The following FNIP1 variants were observed in gnomAD, a reference collection of about 807,000 sequenced individuals.
The protein encoded by FNIP1 is folliculin-interacting protein 1.
A neutral mutation model predicts 124.5 loss-of-function variants in FNIP1; 40 were observed. The observed-to-expected ratio is 0.32, with a 90% CI of 0.25 to 0.42. FNIP1 has a LOEUF of 0.42. FNIP1 is among the 10% of genes least tolerant of loss of function. FNIP1 has a pLI of 1.00. For missense variants in FNIP1, 1,176 were observed against 1,403.7 expected (o/e 0.84, Z 2.59); for synonymous variants, 472 against 470.6 (o/e 1.00, Z -0.04).
chr5:131,760,070 G>A (rs1771174446), intron 1 of FNIP1, among the ~76,000 whole-genome samples: 1 of 152,116 alleles, frequency 6.6e-6, no homozygotes, highest in South Asian at 2.1e-4. Context: ...GGGAAAAATA[G>A]ACACTGTGGA....
chr5:131,726,515 G>A (rs1246124247), intron 3 of FNIP1, among the ~76,000 whole-genome samples: 2 of 151,676 alleles, frequency 1.3e-5, no homozygotes, highest in Non-Finnish European at 1.5e-5. Context: ...ATTTCTGTGG[G>A]ATCAACACGT....
At chr5:131,655,536 T>C (rs1026832299) in intron 15 of FNIP1, among the ~76,000 whole-genome samples, 1 of 152,200 alleles carries the variant, frequency 6.6e-6, no homozygotes, top group Non-Finnish European at 1.5e-5. Context: ...CTAGCTGTAG[T>C]ACCTACTGCA....
At chr5:131,767,640 C>T (rs1177159752) in intron 1 of FNIP1, among the ~76,000 whole-genome samples, 1 of 151,970 alleles carries the variant, frequency 6.6e-6, no homozygotes, top group Non-Finnish European at 1.5e-5. Context: ...TGTAATAAAA[C>T]TTCAACCACT....
At chr5:131,718,908 T>C (rs1769558914) in intron 5 of FNIP1, 78 bp downstream of exon 5, 1 of 1,191,376 alleles carries the variant, frequency 8.4e-7, no homozygotes, top group Non-Finnish European at 1.2e-6. Flanking sequence ...TGTGCTGCAG[T>C]CCTAAAAGCA....
chr5:131,791,051 A>T (rs1187670899), intron 1 of FNIP1, among the ~76,000 whole-genome samples: 3 of 152,212 alleles, frequency 2.0e-5, no homozygotes, highest in African/African-American at 7.2e-5. Context: ...ATTAAAACAC[A>T]CTAAAATCCA....
chr5:131,782,264 G>A (rs1389852912), intron 1 of FNIP1, among the ~76,000 whole-genome samples: 1 of 152,072 alleles, frequency 6.6e-6, no homozygotes, highest in Non-Finnish European at 1.5e-5. Context: ...AAAACCTTCT[G>A]GAGGCCAGGC....
chr5:131,657,342 A>G (rs1767226819), intron 15 of FNIP1, among the ~76,000 whole-genome samples: 1 of 152,160 alleles, frequency 6.6e-6, no homozygotes, highest in African/African-American at 2.4e-5. Flanking sequence ...GTACCTTGCC[A>G]GTAAGTGACT....
chr5:131,644,002 A>G lies in FNIP1; in HGVS notation c.*683T>C, dbSNP rs1363865366. The G allele has an allele frequency of 1.3e-5, 2 of 152,500 alleles. No homozygotes were observed. The highest frequency in any genetic ancestry group is 2.4e-5 in the African/African-American group (1 of 41,458). The allele number at this position is 152,500 out of a possible 1,614,324, so 9.4% of individuals were successfully genotyped here. The stretch of plus-strand genomic sequence containing the variant: ...AGTGTGTGAAACAGAAAAATCACCA[A>G]TAAGTAATATTTCAGCATTATAGAC... On this transcript the variant is annotated 3_prime_UTR_variant, in exon 18 of 18. Transcript: ENST00000510461.
rs749446622 is a variant in FNIP1, at chr5:131,672,342, G to A, written c.2102C>T (p.Ser701Leu). 2 of 1,614,018 alleles carry A rather than the reference G, an allele frequency of 1.2e-6. No individual in the cohort carries two copies. The highest frequency in any genetic ancestry group is 1.1e-5 in the South Asian group (1 of 91,084). Residue 701 changes from serine (S) to leucine (L), a missense_variant, in exon 14 of 18, where the codon TCA becomes TTA. By Grantham distance (145) the Ser-to-Leu change is moderately radical. This residue lies in a region of FNIP1 where 1,109 missense variants were observed against 1,288.5 expected (regional missense o/e 0.86). Transcript: ENST00000510461. ...KCALSESGLE[S>L]TEETWQSEKL... ...CTCACTCTGCCATGTTTCCTCTGTT[G>A]ACTCTAAGCCTGACTCTGACAATGC...
intron 2 of FNIP1, among the ~76,000 whole-genome samples, chr5:131,737,623 C>G (rs961749893): frequency 6.6e-6 from 1 of 152,176 alleles, no homozygotes; most frequent in Non-Finnish European, 1.5e-5. Flanking sequence ...CATCCTTTAA[C>G]CTCTTTATCT....
At chr5:131,656,339 T>C (rs965419788) in intron 15 of FNIP1, among the ~76,000 whole-genome samples, 1 of 152,176 alleles carries the variant, frequency 6.6e-6, no homozygotes, top group Non-Finnish European at 1.5e-5. Flanking sequence ...ATGAGGACAG[T>C]TGTAAAATAA....
intron 3 of FNIP1, among the ~76,000 whole-genome samples, chr5:131,728,785 C>G (rs1241119705): frequency 6.6e-6 from 1 of 152,108 alleles, no homozygotes; most frequent in African/African-American, 2.4e-5. Context: ...GAATTTTCAG[C>G]CTTTTATGCT....
chr5:131,722,934 T>C (rs994508025), intron 3 of FNIP1, among the ~76,000 whole-genome samples: 1 of 152,328 alleles, frequency 6.6e-6, no homozygotes, highest in South Asian at 2.1e-4. Context: ...TCCACCTACC[T>C]TGGCCTCCCA....
At chr5:131,714,741 A>G (rs974815171) in intron 6 of FNIP1, among the ~76,000 whole-genome samples, 1 of 152,220 alleles carries the variant, frequency 6.6e-6, no homozygotes, top group African/African-American at 2.4e-5. Context: ...GGAAGCCTTC[A>G]TTGACTCTCC....
intron 1 of FNIP1, among the ~76,000 whole-genome samples, chr5:131,757,369 A>T (rs1771082711): frequency 1.3e-5 from 2 of 152,220 alleles, no homozygotes; most frequent in South Asian, 4.1e-4. Flanking sequence ...ATCTGGAAAG[A>T]AGGACTATCA....
At chr5:131,735,035 A>G (rs1484158269) in intron 2 of FNIP1, among the ~76,000 whole-genome samples, 2 of 152,224 alleles carry the variant, frequency 1.3e-5, no homozygotes, top group African/African-American at 4.8e-5. Context: ...CACTACTCAC[A>G]ATAGCAAAGA....
At chr5:131,686,471 T>C (rs1296203969) in intron 11 of FNIP1, among the ~76,000 whole-genome samples, 1 of 152,194 alleles carries the variant, frequency 6.6e-6, no homozygotes, top group African/African-American at 2.4e-5. Context: ...TTCAGCCTCC[T>C]AAGTAGCTGG....
chr5:131,776,356 A>C (rs1771804474), intron 1 of FNIP1, among the ~76,000 whole-genome samples: 2 of 152,274 alleles, frequency 1.3e-5, no homozygotes. Flanking sequence ...TATAACATAC[A>C]TTCCAAACAC....
At chr5:131,726,899 G>A (rs1262530034) in intron 3 of FNIP1, among the ~76,000 whole-genome samples, 4 of 152,080 alleles carry the variant, frequency 2.6e-5, no homozygotes, top group Non-Finnish European at 5.9e-5. Flanking sequence ...CCTTCAGTTT[G>A]TTATTTACCC....
Sources: allele counts gnomAD v4.1 joint callset (sites outside exome capture counted in the v4.1 genomes callset), GRCh38; gene constraint gnomAD v4.1.1; regional missense constraint gnomAD v4.1.1; transcripts MANE v1.5; gene names NCBI Gene and HGNC (gene_info 2026-07-23, HGNC 2026-07-21).